CENPT: variants seen among roughly 807,000 people sequenced by gnomAD.
CENPT encodes interphase centromere complex protein 22.
Under a neutral mutation model 59.7 loss-of-function variants are expected in CENPT, and 42 were observed. The ratio of observed to expected loss-of-function variants is 0.70; its 90% CI spans 0.55 to 0.91. CENPT has a LOEUF of 0.91. CENPT is among the 40% of genes least tolerant of loss of function. CENPT has a pLI of 0.00. For missense variants in CENPT, 716 were observed against 713.4 expected, an observed-to-expected ratio of 1.00 and a Z score of -0.04; for synonymous variants, 295 against 289.6, an observed-to-expected ratio of 1.02 and a Z score of -0.19.
rs1166933410 is a variant in CENPT, at chr16:67,831,349, G to A, written c.570C>T (p.Asn190=). Residue 190 remains asparagine (N), a synonymous_variant, in exon 10 of 16, where the codon AAC becomes AAT. Transcript: ENST00000562787. ...GCTGAAGAGGTGTGGCAAAGGTCAG[G>A]TTGAGGGATCTGGTGAGGTGGGGAG... ...ADASSLTRSL[N]LTFATPLQPQ... The A allele has an allele frequency of 1.2e-6, 2 of 1,613,776 alleles. No individual in the cohort carries two copies. Among genetic ancestry groups the A allele is most frequent in the Non-Finnish European group, 1.7e-6 (2 of 1,179,734 alleles).
At position 67,831,822 on chromosome 16, in the gene CENPT, C is replaced by G. The variant is rs1299475541; in HGVS notation, c.455G>C (p.Arg152Thr). ...TLAPGLLAPG[R>T]RKQRLRLSVF... is the part of the protein sequence containing the mutation. ...TGACAGTCTCAGCCTCTGTTTCCTC[C>G]TGCCAGGGGCCAGCAGACCTGGAGC... Residue 152 changes from arginine (R) to threonine (T), a missense_variant, in exon 8 of 16, where the codon AGG (arginine) becomes ACG (threonine). Coordinates refer to ENST00000562787, the MANE Select transcript of CENPT (RefSeq NM_025082.4). The G allele has an allele frequency of 3.1e-6, 5 of 1,605,094 alleles. No homozygotes were observed. Among genetic ancestry groups the G allele is most frequent in the Admixed American group, 1.7e-5 (1 of 57,990 alleles).
Position 67,839,187 on chromosome 16 carries a change from G to A in CENPT, c.-491-3529C>T, listed in dbSNP as rs564173948. Among the ~76,000 whole-genome samples, 20 of 151,984 alleles carry A rather than the reference G, an allele frequency of 1.3e-4. No homozygotes were observed. The South Asian group carries it at 3.1e-3, about 24-fold the overall frequency. The stretch of plus-strand genomic sequence containing the variant: ...GGATTGCATGAGGTCAGGAGTTTGC[G>A]ACCAACCTGGCCAACATGAGGAAAA... On this transcript the variant is annotated intron_variant, in intron 1 of 15. Transcript: ENST00000562787.
intron 4 of CENPT, 86 bp downstream of exon 4, chr16:67,833,664 C>T (rs909791115): frequency 3.8e-6 from 3 of 794,698 alleles, no homozygotes; most frequent in South Asian, 2.2e-5. Context: ...TTTTCCTCTT[C>T]GAACAGAGTC....
chr16:67,846,008 C>T (rs1211212377), intron 1 of CENPT, among the ~76,000 whole-genome samples: 1 of 152,198 alleles, frequency 6.6e-6, no homozygotes, highest in Non-Finnish European at 1.5e-5. Flanking sequence ...AGCCATTTCC[C>T]TTACCTGTGG....
chr16:67,847,375 C>G (rs374338083), intron 1 of CENPT, 26 bp downstream of exon 1: 2 of 152,400 alleles, frequency 1.3e-5, no homozygotes, highest in Non-Finnish European at 2.9e-5. Context: ...AGCGGGCAGA[C>G]CCCAGCCCCA....
At chr16:67,829,716 G>A (rs1240828848) in intron 12 of CENPT, 49 bp downstream of exon 12, 1 of 1,574,976 alleles carries the variant, frequency 6.3e-7, no homozygotes, top group Admixed American at 1.7e-5. Context: ...CTGTGTGCTA[G>A]GGCCTGAACA....
Position 67,843,619 on chromosome 16 carries a change from T to A in CENPT, c.-492+3782A>T. On this transcript the variant is annotated intron_variant, in intron 1 of 15. Transcript: ENST00000562787. This position sits in a 1 kb window ranked among gnomAD's most constrained non-coding sequence, Gnocchi z 5.7. Reference sequence around the variant, plus strand: ...TGACAGTACTGAGGCTTAAGGCAGCTGGACTCTCTTGCTGGTGACCTGGCA... The same window carrying A: ...TGACAGTACTGAGGCTTAAGGCAGCAGGACTCTCTTGCTGGTGACCTGGCA... 9.8e-7 allele frequency: 1 copy of A among 1,016,046 alleles called. No homozygotes were observed. Among genetic ancestry groups the A allele is most frequent in the Non-Finnish European group, 1.4e-6 (1 of 704,828 alleles). The allele number at this position is 1,016,046 out of a possible 1,614,324, so 62.9% of individuals were successfully genotyped here. A position where few individuals can be genotyped will look rare whatever the true frequency, so the allele number is the denominator to read the frequency against.
chr16:67,828,663 TCAC>T lies in CENPT; in HGVS notation c.1457+1_1457+3del, dbSNP rs866534418. On this transcript the variant is annotated splice_donor_variant and splice_donor_region_variant and intron_variant, in intron 14 of 15. Transcript: ENST00000562787. LOFTEE classifies it high-confidence loss of function. ...TCTCCCTACCCCATGTGCCCAGGAC[TCAC>T]CACTTCTCCACCATCTCAAGAGCCT... 1.2e-6 allele frequency: 2 copies of T among 1,614,190 alleles called. No individual in the cohort carries two copies.
rs751419810 is a variant in CENPT, at chr16:67,843,216, C to T, written c.-492+4185G>A. 2 of 1,611,756 alleles carry T rather than the reference C, an allele frequency of 1.2e-6. No individual in the cohort carries two copies. The highest frequency in any genetic ancestry group is 3.3e-5 in the Admixed American group (2 of 59,978). On this transcript the variant is annotated intron_variant, in intron 1 of 15. Coordinates refer to ENST00000562787, the MANE Select transcript of CENPT (RefSeq NM_025082.4). The surrounding 1 kb of genome is among the most constrained non-coding windows in gnomAD (Gnocchi z 5.7). ...GCTGCTACCGCAGGGCTGGAGGCTG[C>T]CGAGTGCCCTATGGGCCCCCAGTTG...
At position 67,843,183 on chromosome 16, in the gene CENPT, A is replaced by C. The variant is rs1339947082; in HGVS notation, c.-492+4218T>G. 6.2e-7 allele frequency: 1 copy of C among 1,611,250 alleles called. No individual in the cohort carries two copies. The highest frequency in any genetic ancestry group is 1.1e-5 in the South Asian group (1 of 91,068). On this transcript the variant is annotated intron_variant, in intron 1 of 15. Coordinates refer to ENST00000562787, the MANE Select transcript of CENPT (RefSeq NM_025082.4). The surrounding 1 kb of genome is among the most constrained non-coding windows in gnomAD (Gnocchi z 5.7). ...GCAGCCGCTGCGGCCGCCGCGTCGG[A>C]GTTACAGGCTGCTACCGCAGGGCTG...
chr16:67,847,502 T>C lies in CENPT; in HGVS notation c.-593A>G, dbSNP rs2057813853. 1 of 152,322 alleles carries C rather than the reference T, an allele frequency of 6.6e-6. No homozygotes were observed. Among genetic ancestry groups the C allele is most frequent in the South Asian group, 2.1e-4 (1 of 4,838 alleles). 9.4% of individuals were successfully genotyped at this position (152,322 alleles called of 1,614,324 possible). On this transcript the variant is annotated 5_prime_UTR_variant, in exon 1 of 16. Transcript: ENST00000562787. ...CAGCCGGGGCTTGGGCCCCTCACCC[T>C]GTTCCCGACCATAGCCCGGCCGGGG... is the stretch of plus-strand genomic sequence containing the variant.
chr16:67,846,761 C>T (rs1048261682), intron 1 of CENPT: 18 of 152,538 alleles, frequency 1.2e-4, no homozygotes, highest in African/African-American at 4.3e-4. Context: ...CCCTCCCTGG[C>T]TTAGCCTCAC....
Position 67,832,077 on chromosome 16 carries a change from C to T in CENPT, c.321G>A (p.Ser107=), listed in dbSNP as rs777785515. The T allele has an allele frequency of 5.6e-6, 9 of 1,612,214 alleles. No homozygotes were observed. Among genetic ancestry groups the T allele is most frequent in the South Asian group, 1.1e-5 (1 of 90,878 alleles). ...GCGGTGCTGGCACTGGCTTCACTAC[C>T]GACTCAGGCATCAGGATGGAAGATT... The part of the protein sequence containing the change: ...APESSILMPE[S]VVKPVPAPQA... The change falls in exon 7 of 16, where the codon TCG becomes TCA. Residue 107 remains serine, a synonymous_variant. Transcript: ENST00000562787.
chr16:67,828,884 A>G (rs903054748), intron 13 of CENPT, 41 bp from the exon 14 acceptor site: 1 of 1,537,280 alleles, frequency 6.5e-7, no homozygotes, highest in Non-Finnish European at 8.7e-7. Context: ...ACTTGCCTCA[A>G]GGAGGCTCTT....
chr16:67,833,822 C>T lies in CENPT; in HGVS notation c.38G>A (p.Arg13His). ...ATCCAGCACGCGTCGCAGCAGCGTG[C>T]GCGGCGTGGAGTCGCTGTCAGGGTT... ...DHNPDSDSTP[R>H]TLLRRVLDTA... Residue 13 changes from arginine (R) to histidine (H), a missense_variant, in exon 4 of 16, where the codon CGC becomes CAC. By Grantham distance (29) the Arg-to-His change is conservative (BLOSUM62 0). Coordinates refer to ENST00000562787, the MANE Select transcript of CENPT (RefSeq NM_025082.4). 6.4e-7 allele frequency: 1 copy of T among 1,574,720 alleles called. No homozygotes were observed.
intron 6 of CENPT, 22 bp downstream of exon 6, chr16:67,832,206 C>G: frequency 1.2e-6 from 2 of 1,613,388 alleles, no homozygotes; most frequent in Middle Eastern, 1.7e-4. Context: ...TAACTCTGAC[C>G]GGCAGGCCAG....
chr16:67,828,507 A>G lies in CENPT; in HGVS notation c.1529T>C (p.Val510Ala), dbSNP rs756991831. 6.2e-7 allele frequency: 1 copy of G among 1,614,098 alleles called. No homozygotes were observed. Among genetic ancestry groups the G allele is most frequent in the African/African-American group, 1.3e-5 (1 of 74,920 alleles). ...CAGCAGCTCCAGGTCCTCTGGCTTC[A>G]CAGTCTTGCGGCCAGCATGAGCAGC... ...VFAAHAGRKT[V>A]KPEDLELLMR... The change falls in exon 15 of 16, where the codon GTG becomes GCG. Residue 510 changes from valine to alanine, a missense_variant. Val to Ala is a moderately conservative substitution (Grantham distance 64). Transcript: ENST00000562787.
Position 67,842,938 on chromosome 16 carries a change from G to C in CENPT, c.-492+4463C>G, listed in dbSNP as rs1378613103. ...AGCAGCAACAGCAGCAGCAGCAGCA[G>C]CAGCAGCAGCAGTCCTCACCCTCTG... On this transcript the variant is annotated intron_variant, in intron 1 of 15. Transcript: ENST00000562787. The surrounding 1 kb of genome is among the most constrained non-coding windows in gnomAD (Gnocchi z 4.9). 1 of 1,607,656 alleles carries C rather than the reference G, an allele frequency of 6.2e-7. No homozygotes were observed.
chr16:67,834,091 G>C lies in CENPT; in HGVS notation c.-232C>G, dbSNP rs944564417. On this transcript the variant is annotated 5_prime_UTR_variant, in exon 4 of 16. Transcript: ENST00000562787. ...TGTAATGCAAGCAGCCCAAGTCTTGGCTTCTTCATCTGTAAATTGAGGTTG... is the reference window on the plus strand; with the variant it reads ...TGTAATGCAAGCAGCCCAAGTCTTGCCTTCTTCATCTGTAAATTGAGGTTG... The C allele has an allele frequency of 5.9e-5, 26 of 441,174 alleles. No homozygotes were observed. Among genetic ancestry groups the C allele is most frequent in the Non-Finnish European group, 1.0e-4 (25 of 247,618 alleles). The allele number at this position is 441,174 out of a possible 1,614,324, so 27.3% of individuals were successfully genotyped here.
Sources: gnomAD v4.1 joint callset for allele counts (sites outside exome capture counted in the v4.1 genomes callset) on GRCh38, gnomAD v4.1.1 for gene constraint, Gnocchi (gnomAD v3.1) non-coding constraint, MANE v1.5 for transcripts, NCBI Gene and HGNC (gene_info 2026-07-23, HGNC 2026-07-21) for gene names.